The following IPMK variants were observed in gnomAD, a reference collection of about 807,000 sequenced individuals.
IPMK encodes the protein inositol 1,3,4,6-tetrakisphosphate 5-kinase.
In IPMK, 17 loss-of-function variants were observed where a neutral mutation model predicts 45.8. The ratio of observed to expected loss-of-function variants is 0.37; its 90% CI spans 0.25 to 0.56. The LOEUF is 0.56. Among genes scored for constraint, IPMK ranks in the 20% least tolerant of loss-of-function variants. The pLI is 0.79. For missense variants in IPMK, 399 were observed against 498.0 expected (o/e 0.80, Z 1.89); for synonymous variants, 180 against 184.3 (o/e 0.98, Z 0.19).
chr10:58,253,247 T>C (rs997826182), intron 1 of IPMK, among the ~76,000 whole-genome samples: 1 of 152,220 alleles, frequency 6.6e-6, no homozygotes, highest in African/African-American at 2.4e-5. Flanking sequence ...TAAGGCCTCC[T>C]GAGCCATGTG....
At chr10:58,240,823 C>T (rs1838686141) in intron 1 of IPMK, among the ~76,000 whole-genome samples, 1 of 152,068 alleles carries the variant, frequency 6.6e-6, no homozygotes, top group Non-Finnish European at 1.5e-5. Context: ...CCAGAAGTTG[C>T]AAACACTTGC....
intron 1 of IPMK, among the ~76,000 whole-genome samples, chr10:58,244,407 T>C (rs1175554513): frequency 8.4e-5 from 11 of 131,534 alleles, no homozygotes; most frequent in Non-Finnish European, 1.3e-4. Context: ...GTCTGGGAGG[T>C]GGGGAGCGCC....
rs540586955 is a variant in IPMK at position 58,197,610 on chromosome 10, A to G, written c.629-912T>C. ...GCTTGCAGCGAGCCGAGATCGCCCC[A>G]CTGCACTCCAGCCTGCGCAACAGAA... On this transcript the variant is annotated intron_variant, in intron 5 of 5. Transcript: ENST00000373935. Among the ~76,000 whole-genome samples the G allele has an allele frequency of 2.6e-5, 4 of 151,158 alleles. No homozygotes were observed. In the East Asian group the frequency reaches 7.8e-4, roughly 30 times the overall value.
At chr10:58,259,731 T>G (rs986423392) in intron 1 of IPMK, among the ~76,000 whole-genome samples, 8 of 146,804 alleles carry the variant, frequency 5.4e-5, no homozygotes, top group African/African-American at 2.1e-4. Flanking sequence ...TCCCGGCTAC[T>G]CAGGAGGCTT....
intron 2 of IPMK, among the ~76,000 whole-genome samples, chr10:58,232,808 G>C (rs948007532): frequency 6.6e-6 from 1 of 152,134 alleles, no homozygotes; most frequent in Non-Finnish European, 1.5e-5. Flanking sequence ...AAAGCTAGCA[G>C]AAGGCAAAAA....
chr10:58,197,555 C>G (rs1167184038), intron 5 of IPMK, among the ~76,000 whole-genome samples: 1 of 150,620 alleles, frequency 6.6e-6, no homozygotes, highest in Non-Finnish European at 1.5e-5. Context: ...GAGGCTGAGG[C>G]AGGAGAACGG....
At chr10:58,244,064 C>T (rs1426801673) in intron 1 of IPMK, among the ~76,000 whole-genome samples, 4 of 150,100 alleles carry the variant, frequency 2.7e-5, no homozygotes, top group South Asian at 2.1e-4. Context: ...GGCCGCTCTT[C>T]GTCTGGGAGG....
intron 1 of IPMK, among the ~76,000 whole-genome samples, chr10:58,242,671 A>C (rs1208163082): frequency 6.6e-6 from 1 of 150,914 alleles, no homozygotes; most frequent in Non-Finnish European, 1.5e-5. Flanking sequence ...TTGAAACACA[A>C]AGGGAGAAAA....
At chr10:58,240,673 A>G (rs934022878) in intron 1 of IPMK, among the ~76,000 whole-genome samples, 1 of 150,878 alleles carries the variant, frequency 6.6e-6, no homozygotes, top group Non-Finnish European at 1.5e-5. Flanking sequence ...AAAAAAAAAA[A>G]GACAAATGAG....
At chr10:58,258,079 G>A (rs995409605) in intron 1 of IPMK, among the ~76,000 whole-genome samples, 1 of 152,200 alleles carries the variant, frequency 6.6e-6, no homozygotes, top group Admixed American at 6.5e-5. Context: ...GGGAGGCCAA[G>A]GCGTGCAGAT....
At chr10:58,209,855 T>C (rs1444388125) in intron 4 of IPMK, among the ~76,000 whole-genome samples, 1 of 152,234 alleles carries the variant, frequency 6.6e-6, no homozygotes, top group Non-Finnish European at 1.5e-5. Context: ...GTTGCTGTAA[T>C]GGCCTGAGTT....
intron 1 of IPMK, among the ~76,000 whole-genome samples, chr10:58,242,548 AATAC>A (rs1023385742): frequency 1.9e-4 from 29 of 152,282 alleles, no homozygotes; most frequent in Middle Eastern, 6.8e-3. Context: ...GTAGAAATAA[AATAC>A]ATGGTATAAC....
At chr10:58,208,385 C>T (rs531870641) in intron 4 of IPMK, among the ~76,000 whole-genome samples, 6 of 152,230 alleles carry the variant, frequency 3.9e-5, no homozygotes, top group South Asian at 2.1e-4. Context: ...GTGATCTTTT[C>T]GGGGTGTTAT....
At chr10:58,197,922 G>A (rs1038952343) in intron 5 of IPMK, among the ~76,000 whole-genome samples, 16 of 148,448 alleles carry the variant, frequency 1.1e-4, no homozygotes, top group African/African-American at 4.1e-4. Flanking sequence ...CCAGCTACTT[G>A]GGAGGCTGAG....
intron 2 of IPMK, 22 bp from the exon 3 acceptor site, chr10:58,227,161 T>C (rs376177305): frequency 5.9e-6 from 9 of 1,521,184 alleles, no homozygotes; most frequent in Non-Finnish European, 8.2e-6. Flanking sequence ...AAATATAACA[T>C]TGCTAGATTC....
chr10:58,210,407 A>G (rs1252731572), intron 4 of IPMK, among the ~76,000 whole-genome samples: 1 of 152,058 alleles, frequency 6.6e-6, no homozygotes, highest in Admixed American at 6.5e-5. Context: ...TCTGCCAACA[A>G]TGGTGATGGC....
At chr10:58,259,878 G>C (rs1189986324) in intron 1 of IPMK, among the ~76,000 whole-genome samples, 1 of 151,908 alleles carries the variant, frequency 6.6e-6, no homozygotes, top group Non-Finnish European at 1.5e-5. Flanking sequence ...ACGAATGATA[G>C]TTAGAATATT....
intron 3 of IPMK, among the ~76,000 whole-genome samples, chr10:58,216,943 C>T (rs780130381): frequency 3.9e-5 from 6 of 152,114 alleles, no homozygotes; most frequent in Non-Finnish European, 7.4e-5. Context: ...CTCCGCCTCC[C>T]AGGATCAAGC....
chr10:58,200,262 G>C lies in IPMK; in HGVS notation c.547-941C>G, dbSNP rs556266452. 2.6e-5 allele frequency among the ~76,000 whole-genome samples: 4 copies of C among 152,186 alleles called. No individual in the cohort carries two copies. The South Asian group carries it at 8.3e-4, about 32-fold the overall frequency. ...GCCTCCCGAGTACCTGGGATTACAG[G>C]TGCGTGACAATACAGCCAGGTAATT... is the stretch of plus-strand genomic sequence containing the variant. On this transcript the variant is annotated intron_variant, in intron 4 of 5. Transcript: ENST00000373935.
Sources: allele counts gnomAD v4.1 joint callset (sites outside exome capture counted in the v4.1 genomes callset), GRCh38; gene constraint gnomAD v4.1.1; transcripts MANE v1.5; gene names NCBI Gene and HGNC (gene_info 2026-07-23, HGNC 2026-07-21).